The following SLX4IP variants were observed in gnomAD, a reference collection of about 807,000 sequenced individuals.
The protein encoded by SLX4IP is SLX4 interacting protein, also known as protein SLX4IP.
In SLX4IP, 34 loss-of-function variants were observed where a neutral mutation model predicts 32.9. The observed-to-expected ratio is 1.03, with a 90% confidence interval of 0.79 to 1.38. The LOEUF (loss-of-function observed/expected upper bound fraction) is 1.38, where lower values mean the gene tolerates loss of function less well. SLX4IP is among the 40% of genes most tolerant of loss of function. The probability of loss-of-function intolerance (pLI) is 0.00; values close to 1 mark genes in which losing one functional copy is unlikely to be tolerated. For missense variants in SLX4IP, 444 were observed against 479.0 expected (o/e 0.93, Z 0.68); for synonymous variants, 172 against 171.7 (o/e 1.00, Z -0.01).
At chr20:10,515,531 C>T (rs931549743) in intron 2 of SLX4IP, among the ~76,000 whole-genome samples, 8 of 152,158 alleles carry the variant, frequency 5.3e-5, no homozygotes, top group Non-Finnish European at 7.3e-5. Context: ...TTTGTTTTGG[C>T]TTATTTAAAA....
intron 4 of SLX4IP, among the ~76,000 whole-genome samples, chr20:10,587,312 T>A (rs1600132399): frequency 6.6e-6 from 1 of 152,224 alleles, no homozygotes; most frequent in East Asian, 1.9e-4. Context: ...GTATTTATAA[T>A]AAAAATTTTT....
At chr20:10,618,647 C>A (rs1033401996) in intron 6 of SLX4IP, among the ~76,000 whole-genome samples, 1 of 152,116 alleles carries the variant, frequency 6.6e-6, no homozygotes, top group Non-Finnish European at 1.5e-5. Flanking sequence ...TCTTTGGTAG[C>A]CTCTTTGAAT....
chr20:10,566,183 C>T (rs1352826512), intron 4 of SLX4IP, among the ~76,000 whole-genome samples: 1 of 151,988 alleles, frequency 6.6e-6, no homozygotes, highest in African/African-American at 2.4e-5. Flanking sequence ...ACCTTCATTC[C>T]CCCAGGATTT....
intron 4 of SLX4IP, among the ~76,000 whole-genome samples, chr20:10,562,544 TG>T (rs1471675563): frequency 1.3e-5 from 2 of 151,890 alleles, no homozygotes; most frequent in Non-Finnish European, 1.5e-5. Flanking sequence ...AGGCACAAGA[TG>T]GGGGGCGTGG....
chr20:10,600,241 G>A lies in SLX4IP; in HGVS notation c.316+1489G>A, dbSNP rs572808479. On this transcript the variant is annotated intron_variant, in intron 5 of 7. Transcript: ENST00000334534. ...CTAGTCACCTAGCCAGATATCATAT[G>A]CCCACATGGGGTCAAAGTTGAAAAA... Among the ~76,000 whole-genome samples, 4 of 152,232 alleles carry A rather than the reference G, an allele frequency of 2.6e-5. 1 individual carries two copies. Among genetic ancestry groups the A allele is most frequent in the Admixed American group, 2.0e-4 (3 of 15,294 alleles).
At chr20:10,563,180 C>A (rs1215358028) in intron 4 of SLX4IP, among the ~76,000 whole-genome samples, 1 of 152,198 alleles carries the variant, frequency 6.6e-6, no homozygotes, top group African/African-American at 2.4e-5. Flanking sequence ...AGCAATGTTT[C>A]ATATACTTGT....
intron 3 of SLX4IP, among the ~76,000 whole-genome samples, chr20:10,559,794 C>T (rs1050842334): frequency 2.0e-5 from 3 of 152,090 alleles, no homozygotes; most frequent in South Asian, 2.1e-4. Flanking sequence ...GTGTTTCTGT[C>T]GCCTAATAAA....
At chr20:10,516,330 A>G (rs538674534) in intron 2 of SLX4IP, among the ~76,000 whole-genome samples, 1 of 152,332 alleles carries the variant, frequency 6.6e-6, no homozygotes, top group Non-Finnish European at 1.5e-5. Flanking sequence ...AGCTCAGAGA[A>G]AGTAAGTTTA....
At chr20:10,512,922 TCA>T (rs140245878) in intron 2 of SLX4IP, among the ~76,000 whole-genome samples, 3,828 of 149,956 alleles carry the variant, frequency 0.026, 100 homozygotes, top group Admixed American at 0.093. Context: ...CAGGTGTGAG[TCA>T]CCACACCCAG....
chr20:10,517,277 T>C (rs1422003108), intron 2 of SLX4IP, among the ~76,000 whole-genome samples: 2 of 152,190 alleles, frequency 1.3e-5, no homozygotes, highest in African/African-American at 4.8e-5. Context: ...GGGGTACTGC[T>C]CTGCCCCTCA....
At chr20:10,592,346 A>ACC (rs35251948) in intron 4 of SLX4IP, among the ~76,000 whole-genome samples, 188 of 144,446 alleles carry the variant, frequency 1.3e-3, no homozygotes, top group Middle Eastern at 3.5e-3. Context: ...CCTTTCTCCA[A>ACC]CCCCCCCCCA....
chr20:10,499,716 C>T (rs1284293108), intron 2 of SLX4IP, among the ~76,000 whole-genome samples: 1 of 152,150 alleles, frequency 6.6e-6, no homozygotes, highest in African/African-American at 2.4e-5. Context: ...CAGAGGATAG[C>T]ATAGTATCCA....
intron 2 of SLX4IP, among the ~76,000 whole-genome samples, chr20:10,473,830 C>T (rs1220707973): frequency 7.0e-6 from 1 of 143,328 alleles, no homozygotes; most frequent in Non-Finnish European, 1.5e-5. Context: ...GGTTGGTCTT[C>T]TTTTTTTTTT....
chr20:10,491,189 G>A (rs560536720), intron 2 of SLX4IP, among the ~76,000 whole-genome samples: 1 of 152,136 alleles, frequency 6.6e-6, no homozygotes, highest in African/African-American at 2.4e-5. Context: ...ATGGCTAATC[G>A]CATAAGGAAC....
At chr20:10,513,802 T>C (rs1254526155) in intron 2 of SLX4IP, among the ~76,000 whole-genome samples, 1 of 152,174 alleles carries the variant, frequency 6.6e-6, no homozygotes, top group African/African-American at 2.4e-5. Context: ...TGCCTGGCAC[T>C]TAAGATGTGC....
At chr20:10,570,780 T>C (rs750271632) in intron 4 of SLX4IP, among the ~76,000 whole-genome samples, 1 of 152,048 alleles carries the variant, frequency 6.6e-6, no homozygotes, top group Non-Finnish European at 1.5e-5. Context: ...CCACCCGCCT[T>C]GGCCTTCCAA....
chr20:10,545,441 G>A (rs1005691382), intron 2 of SLX4IP, among the ~76,000 whole-genome samples: 1 of 152,124 alleles, frequency 6.6e-6, no homozygotes, highest in Non-Finnish European at 1.5e-5. Flanking sequence ...AAGAGTAAAT[G>A]TGTAGCCCCC....
chr20:10,544,236 C>T (rs769832637), intron 2 of SLX4IP, among the ~76,000 whole-genome samples: 1 of 152,196 alleles, frequency 6.6e-6, no homozygotes, highest in Non-Finnish European at 1.5e-5. Context: ...TCCTAAGGCT[C>T]TCCCTTCATC....
At chr20:10,569,601 G>A (rs1348890099) in intron 4 of SLX4IP, among the ~76,000 whole-genome samples, 2 of 152,154 alleles carry the variant, frequency 1.3e-5, no homozygotes, top group African/African-American at 4.8e-5. Flanking sequence ...GTAAGATCAA[G>A]GTTAGTTTCT....
Sources: allele counts gnomAD v4.1 joint callset (sites outside exome capture counted in the v4.1 genomes callset), GRCh38; gene constraint gnomAD v4.1.1; transcripts MANE v1.5; gene names NCBI Gene and HGNC (gene_info 2026-07-23, HGNC 2026-07-21).